RBFOX1: variants seen among roughly 807,000 people sequenced by gnomAD.
RBFOX1 encodes the protein RNA binding protein fox-1 homolog 1.
Under a neutral mutation model 57.7 loss-of-function variants are expected in RBFOX1, and 8 were observed. That is an observed-to-expected ratio of 0.14 (90% CI 0.08 to 0.25). RBFOX1 has a LOEUF of 0.25. Ranked by LOEUF, RBFOX1 falls within the 10% of genes least tolerant of loss-of-function variation. The pLI, the probability that RBFOX1 is intolerant of heterozygous loss-of-function variation, is 1.00. For missense variants in RBFOX1, 611 were observed against 548.5 expected, an observed-to-expected ratio of 1.11 and a Z score of -1.14; for synonymous variants, 326 against 222.4, an observed-to-expected ratio of 1.47 and a Z score of -4.15.
chr16:7,047,268 T>G (rs893499904), intron 3 of RBFOX1, among the ~76,000 whole-genome samples: 4 of 152,166 alleles, frequency 2.6e-5, no homozygotes, highest in Non-Finnish European at 5.9e-5. Context: ...CTTAGTTACT[T>G]TCATATTTCA....
At chr16:5,695,599 C>A (rs908810808) in intron 3 of RBFOX1, among the ~76,000 whole-genome samples, 3 of 152,168 alleles carry the variant, frequency 2.0e-5, no homozygotes, top group South Asian at 2.1e-4. Flanking sequence ...AGATGTTATG[C>A]ACCTCCTTAT....
chr16:7,367,833 G>GAT (rs771944553), intron 4 of RBFOX1, among the ~76,000 whole-genome samples: 41 of 151,076 alleles, frequency 2.7e-4, no homozygotes, highest in Middle Eastern at 3.4e-3. Flanking sequence ...TCATTATGAT[G>GAT]ATATATATAT....
intron 3 of RBFOX1, among the ~76,000 whole-genome samples, chr16:7,000,009 T>G (rs2092642565): frequency 6.6e-6 from 1 of 151,204 alleles, no homozygotes; most frequent in East Asian, 1.9e-4. Context: ...CAGGCAGAGG[T>G]TGCAGTGAGC....
chr16:7,696,260 C>T (rs2078766966), intron 14 of RBFOX1, among the ~76,000 whole-genome samples: 2 of 152,240 alleles, frequency 1.3e-5, no homozygotes, highest in African/African-American at 2.4e-5. Context: ...TTGGGTATCA[C>T]TTGGGACTAG....
intron 3 of RBFOX1, among the ~76,000 whole-genome samples, chr16:5,795,584 C>G (rs28633948): frequency 0.065 from 9,869 of 152,234 alleles, 429 homozygotes; most frequent in African/African-American, 0.12. Context: ...AACCACTGTG[C>G]CTAGCCTGGT....
chr16:7,113,140 T>C (rs144807598), intron 4 of RBFOX1, among the ~76,000 whole-genome samples: 201 of 152,268 alleles, frequency 1.3e-3, no homozygotes, highest in African/African-American at 4.7e-3. Flanking sequence ...TCTGCAGATA[T>C]ATACGTTTTT....
At chr16:7,163,405 A>T (rs2078793566) in intron 4 of RBFOX1, among the ~76,000 whole-genome samples, 1 of 152,104 alleles carries the variant, frequency 6.6e-6, no homozygotes, top group African/African-American at 2.4e-5. Flanking sequence ...AAATTTCATC[A>T]ATGTGTATGA....
chr16:5,357,370 C>T lies in RBFOX1; in HGVS notation c.220-109846C>T, dbSNP rs181348914. 2.6e-5 allele frequency among the ~76,000 whole-genome samples: 4 copies of T among 152,304 alleles called. No individual in the cohort carries two copies. The East Asian group carries it at 7.7e-4, about 29-fold the overall frequency. ...CTGAGAAAAAGAACCACCTCTTGCT[C>T]TGGGGTGTAAATGCAGGTGCAGAGG... On this transcript the variant is annotated intron_variant, in intron 1 of 2. Transcript: ENST00000585867.
chr16:6,487,181 T>A, intron 2 of RBFOX1, among the ~76,000 whole-genome samples: 1 of 148,396 alleles, frequency 6.7e-6, no homozygotes, highest in Non-Finnish European at 1.5e-5. Flanking sequence ...TGTGTGTGTG[T>A]ACCCAAAAGG....
At chr16:6,942,585 A>G (rs1453817282) in intron 3 of RBFOX1, among the ~76,000 whole-genome samples, 1 of 152,200 alleles carries the variant, frequency 6.6e-6, no homozygotes, top group Admixed American at 6.5e-5. Flanking sequence ...AAGGCAAGTG[A>G]TTGGGTGATC....
chr16:6,909,232 A>G lies in RBFOX1; in HGVS notation c.-15-142825A>G, dbSNP rs1450698567. Among the ~76,000 whole-genome samples, 11 of 152,308 alleles carry G rather than the reference A, an allele frequency of 7.2e-5. No individual in the cohort carries two copies. The South Asian group carries it at 2.3e-3, about 32-fold the overall frequency. On this transcript the variant is annotated intron_variant, in intron 3 of 15. Transcript: ENST00000550418. ...CCGGTTTCTAGAGGCCACCCAGATT[A>G]CATGGCTCATGGCCCTTTTCATCTT... is the stretch of plus-strand genomic sequence containing the variant.
chr16:6,863,558 G>A (rs906211656), intron 3 of RBFOX1, among the ~76,000 whole-genome samples: 1 of 150,518 alleles, frequency 6.6e-6, no homozygotes, highest in Non-Finnish European at 1.5e-5. Flanking sequence ...ATAGATAAAT[G>A]TAAATAACAT....
chr16:5,550,344 G>A (rs2045412817), intron 2 of RBFOX1, among the ~76,000 whole-genome samples: 1 of 152,138 alleles, frequency 6.6e-6, no homozygotes, highest in African/African-American at 2.4e-5. Context: ...ACCCACCACT[G>A]TTGCTACATG....
At chr16:6,054,103 G>A (rs1351086724) in intron 1 of RBFOX1, among the ~76,000 whole-genome samples, 1 of 152,108 alleles carries the variant, frequency 6.6e-6, no homozygotes, top group African/African-American at 2.4e-5. Flanking sequence ...CACCCCTTGA[G>A]TGATGGCTGT....
At chr16:5,990,634 G>T (rs1437459047) in intron 4 of RBFOX1, among the ~76,000 whole-genome samples, 1 of 152,180 alleles carries the variant, frequency 6.6e-6, no homozygotes, top group Non-Finnish European at 1.5e-5. Context: ...AATAGTTGCG[G>T]TGTATGGGGA....
intron 5 of RBFOX1, among the ~76,000 whole-genome samples, chr16:7,531,161 C>G (rs1050661528): frequency 4.6e-5 from 7 of 152,186 alleles, no homozygotes; most frequent in African/African-American, 1.4e-4. Context: ...TGTAGAGTTG[C>G]AAATCATACA....
At chr16:6,786,962 C>T (rs114613323) in intron 3 of RBFOX1, among the ~76,000 whole-genome samples, 3,185 of 152,112 alleles carry the variant, frequency 0.021, 69 homozygotes, top group African/African-American at 0.059. Context: ...GTGTCATGAC[C>T]ATGTCTCCCT....
chr16:5,885,224 A>G (rs940397836), intron 4 of RBFOX1, among the ~76,000 whole-genome samples: 15 of 152,014 alleles, frequency 9.9e-5, no homozygotes, highest in African/African-American at 3.1e-4. Context: ...ATCTGCCACC[A>G]TAAAGAGATT....
intron 10 of RBFOX1, among the ~76,000 whole-genome samples, chr16:7,627,825 A>G (rs1201461269): frequency 6.6e-6 from 1 of 152,210 alleles, no homozygotes; most frequent in African/African-American, 2.4e-5. Flanking sequence ...TTCCAAATTA[A>G]ATTGGAGGAT....
Sources: gnomAD v4.1 joint callset for allele counts (sites outside exome capture counted in the v4.1 genomes callset) on GRCh38, gnomAD v4.1.1 for gene constraint, MANE v1.5 for transcripts, NCBI Gene and HGNC (gene_info 2026-07-23, HGNC 2026-07-21) for gene names.